RP1: variants seen among roughly 807,000 people sequenced by gnomAD.
RP1 encodes the protein oxygen-regulated protein 1.
RP1 carries 16 observed loss-of-function variants against 14.8 expected under a neutral mutation model. The ratio of observed to expected loss-of-function variants is 1.08; its 90% CI spans 0.73 to 1.65. The LOEUF is 1.65. RP1 is among the 40% of genes most tolerant of loss of function. The probability of loss-of-function intolerance (pLI) is 0.00; values close to 1 mark genes in which losing one functional copy is unlikely to be tolerated. For synonymous variants in RP1, 876 were observed against 883.6 expected (o/e 0.99, Z 0.15); for missense variants, 2,631 against 2,535.0 (o/e 1.04, Z -0.81).
chr8:54,571,397 TA>T (rs1804519476), intron 1 of RP1, among the ~76,000 whole-genome samples: 1 of 152,160 alleles, frequency 6.6e-6, no homozygotes, highest in Non-Finnish European at 1.5e-5. Context: ...TCCTGGTGCC[TA>T]ACATATCATA....
intron 3 of RP1, among the ~76,000 whole-genome samples, chr8:54,640,355 T>C (rs1806431118): frequency 6.6e-6 from 1 of 152,252 alleles, no homozygotes; most frequent in African/African-American, 2.4e-5. Context: ...ATATACCATC[T>C]TGATTACTGT....
chr8:54,720,620 C>T (rs1808511544), intron 16 of RP1, among the ~76,000 whole-genome samples: 2 of 151,780 alleles, frequency 1.3e-5, no homozygotes, highest in African/African-American at 2.4e-5. Context: ...CTTCATGTAC[C>T]CTGAGAGGGA....
intron 16 of RP1, among the ~76,000 whole-genome samples, chr8:54,721,287 C>T (rs1423274063): frequency 6.6e-6 from 1 of 152,228 alleles, no homozygotes; most frequent in Non-Finnish European, 1.5e-5. Flanking sequence ...CATTTTCCTA[C>T]AGGCTGTCAC....
intron 3 of RP1, among the ~76,000 whole-genome samples, chr8:54,622,646 G>A (rs1419508076): frequency 1.3e-5 from 2 of 152,162 alleles, no homozygotes; most frequent in Non-Finnish European, 2.9e-5. Context: ...ATAGTACCAT[G>A]CAGCATCCAT....
chr8:54,678,656 T>C, intron 9 of RP1: 1 of 701,962 alleles, frequency 1.4e-6, no homozygotes, highest in Non-Finnish European at 2.3e-6. Context: ...TGGGTAACTT[T>C]TGTGAACATT....
At chr8:54,814,534 A>T (rs2129394459) in intron 24 of RP1, among the ~76,000 whole-genome samples, 1 of 152,284 alleles carries the variant, frequency 6.6e-6, no homozygotes, top group East Asian at 1.9e-4. Context: ...CACTGATTAG[A>T]CTCTGTACAG....
intron 25 of RP1, among the ~76,000 whole-genome samples, chr8:54,843,416 C>T (rs575974904): frequency 4.6e-5 from 7 of 152,136 alleles, no homozygotes; most frequent in South Asian, 2.1e-4. Context: ...CAGATATGTA[C>T]GTTCAACCAA....
rs118140841 is a variant in RP1 at position 54,868,777 on chromosome 8, G to A, written c.4152-1066G>A. On this transcript the variant is annotated intron_variant, in intron 28 of 28. Transcript: ENST00000637698. ...GATGACATAAGCTTTACTGTCTTCC[G>A]CAGTATAGATTATCAAGTACTTAAA... Among the ~76,000 whole-genome samples, 802 of 152,180 alleles carry A rather than the reference G, an allele frequency of 5.3e-3. 3 individuals are homozygous for A. Among genetic ancestry groups the A allele is most frequent in the Non-Finnish European group, 8.1e-3 (554 of 68,008 alleles).
At chr8:54,765,225 G>A (rs183290311) in intron 22 of RP1, among the ~76,000 whole-genome samples, 65 of 152,330 alleles carry the variant, frequency 4.3e-4, no homozygotes, top group East Asian at 5.8e-4. Flanking sequence ...CAACTCTAGC[G>A]GTTATTCCAT....
intron 1 of RP1, among the ~76,000 whole-genome samples, chr8:54,595,240 C>G (rs1275633306): frequency 1.3e-5 from 2 of 151,948 alleles, no homozygotes; most frequent in Non-Finnish European, 2.9e-5. Context: ...CGCCATTCTC[C>G]TGCCTCAGCC....
intron 13 of RP1, among the ~76,000 whole-genome samples, chr8:54,699,939 C>A (rs1048410708): frequency 6.6e-6 from 1 of 152,082 alleles, no homozygotes; most frequent in African/African-American, 2.4e-5. Context: ...TAATGTAATG[C>A]ATACATGTTA....
chr8:54,706,382 C>A, intron 14 of RP1: 1 of 1,491,946 alleles, frequency 6.7e-7, no homozygotes, highest in South Asian at 1.2e-5. Flanking sequence ...ATAGTTGTCT[C>A]CCTCTAGCAA....
chr8:54,799,110 T>C (rs956604769), intron 24 of RP1, among the ~76,000 whole-genome samples: 1 of 152,026 alleles, frequency 6.6e-6, no homozygotes, highest in Non-Finnish European at 1.5e-5. Flanking sequence ...GTAGAAAAGC[T>C]TTTTATTTTA....
intron 24 of RP1, among the ~76,000 whole-genome samples, chr8:54,804,608 T>A (rs1810801490): frequency 6.6e-6 from 1 of 151,760 alleles, no homozygotes. Context: ...AAAGCAAGGG[T>A]TACAATTCTG....
At chr8:54,566,552 G>C (rs192660809) in intron 1 of RP1, among the ~76,000 whole-genome samples, 7 of 152,164 alleles carry the variant, frequency 4.6e-5, no homozygotes, top group African/African-American at 1.7e-4. Context: ...GAATGGGCCA[G>C]GCAGGTCAAA....
At position 54,625,379 on chromosome 8, in the gene RP1, CAT is replaced by C. The variant is rs765129639; in HGVS notation, c.1498_1499del (p.Met500ValfsTer7). The C allele has an allele frequency of 1.1e-5, 18 of 1,613,938 alleles. No individual in the cohort carries two copies. The highest frequency in any genetic ancestry group is 8.9e-5 in the East Asian group (4 of 44,888). ...ESGENKSEYH[M>X]FTHSCSKMSS... ...GTGGGGAAAACAAGTCTGAGTATCA[CAT>C]GTTTACACATTCTTGCAGTAAAATG... On this transcript the variant is annotated frameshift_variant, in exon 4 of 4. Transcript: ENST00000220676. LOFTEE classifies it low-confidence loss of function (END_TRUNC).
At chr8:54,841,782 T>A (rs1055363833) in intron 25 of RP1, among the ~76,000 whole-genome samples, 3 of 152,194 alleles carry the variant, frequency 2.0e-5, no homozygotes, top group Non-Finnish European at 4.4e-5. Context: ...GAATGCTGAC[T>A]CAGCTCGAGG....
chr8:54,603,939 CT>C (rs1805359101), intron 1 of RP1, among the ~76,000 whole-genome samples: 1 of 152,192 alleles, frequency 6.6e-6, no homozygotes, highest in Non-Finnish European at 1.5e-5. Flanking sequence ...AGATTTGGGA[CT>C]GAGACGATGG....
At chr8:54,678,929 T>A (rs1419101517) in intron 9 of RP1, among the ~76,000 whole-genome samples, 1 of 152,198 alleles carries the variant, frequency 6.6e-6, no homozygotes, top group Non-Finnish European at 1.5e-5. Flanking sequence ...GCTTACTTAC[T>A]ATCAACAGAC....
Sources: allele counts gnomAD v4.1 joint callset (sites outside exome capture counted in the v4.1 genomes callset), GRCh38; gene constraint gnomAD v4.1.1; transcripts MANE v1.5; gene names NCBI Gene and HGNC (gene_info 2026-07-23, HGNC 2026-07-21).